Variants in IQGAP1 observed in about 807,000 individuals in gnomAD.
The protein encoded by IQGAP1 is IQ motif containing GTPase activating protein 1.
IQGAP1 carries 66 observed loss-of-function variants against 215.6 expected under a neutral mutation model. That is an observed-to-expected ratio of 0.31 (90% confidence interval 0.25 to 0.38). The LOEUF is 0.38. Ranked by LOEUF, IQGAP1 falls within the 10% of genes least tolerant of loss-of-function variation. The pLI is 1.00. For synonymous variants in IQGAP1, 772 were observed against 728.7 expected (o/e 1.06, Z -0.96); for missense variants, 1,712 against 1,997.1 (o/e 0.86, Z 2.72).
intron 15 of IQGAP1, among the ~76,000 whole-genome samples, chr15:90,458,402 C>G (rs1341317429): frequency 6.6e-6 from 1 of 152,150 alleles, no homozygotes. Flanking sequence ...TAAGTTGTAT[C>G]TTCAATCTAC....
At chr15:90,496,306 C>CTTTTTTTTTTT (rs552222380) in intron 36 of IQGAP1, among the ~76,000 whole-genome samples, 42 of 106,116 alleles carry the variant, frequency 4.0e-4, no homozygotes, top group African/African-American at 1.8e-3. Context: ...AGCATAATCC[C>CTTTTTTTTTTT]TTTTTTTTTT....
rs756736058 is a variant in IQGAP1 at position 90,429,675 on chromosome 15, C to T, written c.390+9C>T. 6 of 1,571,804 alleles carry T rather than the reference C, an allele frequency of 3.8e-6. No homozygotes were observed. Among genetic ancestry groups the T allele is most frequent in the African/African-American group, 1.4e-5 (1 of 73,458 alleles). On this transcript the variant is annotated intron_variant, in intron 4 of 37. Coordinates refer to ENST00000268182, the MANE Select transcript of IQGAP1 (RefSeq NM_003870.4). ...AGATTGGATTGCCTAAGGTAACTTA[C>T]CTGAGATAATAGTTTAGGCTTTGTT...
Position 90,500,268 on chromosome 15 carries a change from G to A in IQGAP1, c.*160G>A. ...CATTTTTAACTCCTCTCGCTCTGAT[G>A]GGACATTTGTTACCCTTTTTTCATA... is the stretch of plus-strand genomic sequence containing the variant. On this transcript the variant is annotated 3_prime_UTR_variant, in exon 38 of 38. Coordinates refer to ENST00000268182, the MANE Select transcript of IQGAP1 (RefSeq NM_003870.4). 1 of 562,880 alleles carries A rather than the reference G, an allele frequency of 1.8e-6. No individual in the cohort carries two copies. The highest frequency in any genetic ancestry group is 3.2e-6 in the Non-Finnish European group (1 of 312,072). The allele number at this position is 562,880 out of a possible 1,614,324, so 34.9% of individuals were successfully genotyped here. A position where few individuals can be genotyped will look rare whatever the true frequency, so the allele number is the denominator to read the frequency against.
Position 90,433,730 on chromosome 15 carries a change from A to G in IQGAP1, c.402A>G (p.Pro134=), listed in dbSNP as rs1372443186. 1 of 1,598,340 alleles carries G rather than the reference A, an allele frequency of 6.3e-7. No homozygotes were observed. The change falls in exon 5 of 38, where the codon CCA becomes CCG. Residue 134 remains proline, a synonymous_variant. Coordinates refer to ENST00000268182, the MANE Select transcript of IQGAP1 (RefSeq NM_003870.4). ...DEIGLPKIFY[P]ETTDIYDRKN... is the part of the protein sequence containing the mutation. ...TTATTTCTCCCTAGATTTTTTACCC[A>G]GAAACTACAGATATCTATGATCGAA...
At chr15:90,483,329 T>C (rs1260019738) in intron 28 of IQGAP1, 32 bp from the exon 29 acceptor site, 2 of 1,510,328 alleles carry the variant, frequency 1.3e-6, no homozygotes, top group Non-Finnish European at 1.8e-6. Flanking sequence ...GTATGTCTTT[T>C]AATACCCATC....
chr15:90,477,328 T>A (rs766716418), intron 25 of IQGAP1, 98 bp downstream of exon 25: 4 of 1,017,570 alleles, frequency 3.9e-6, no homozygotes, highest in Non-Finnish European at 5.7e-6. Context: ...TGATCTCAAT[T>A]AATTTATGAA....
At chr15:90,395,883 A>G (rs553219782) in intron 2 of IQGAP1, among the ~76,000 whole-genome samples, 48 of 152,352 alleles carry the variant, frequency 3.2e-4, no homozygotes, top group African/African-American at 9.4e-4. Context: ...AAGAAAGTTA[A>G]TTCCAGCATT....
In IQGAP1 at chr15:90,482,184, G is replaced by A. The variant is rs1388822370; in HGVS notation, c.3471-13G>A. ...TCCTTGGCCCTTCTCACTAAGTTTT[G>A]TCCATCCCGCAGTTATGGGATGCGC... On this transcript the variant is annotated splice_polypyrimidine_tract_variant and intron_variant, in intron 27 of 37. Coordinates refer to ENST00000268182, the MANE Select transcript of IQGAP1 (RefSeq NM_003870.4). 1.9e-6 allele frequency: 3 copies of A among 1,614,162 alleles called. No homozygotes were observed. The highest frequency in any genetic ancestry group is 1.7e-6 in the Non-Finnish European group (2 of 1,180,026).
rs142753659 is a variant in IQGAP1, at chr15:90,470,165, T to C, written c.2178+2573T>C. 7.4e-3 allele frequency among the ~76,000 whole-genome samples: 1,123 copies of C among 152,306 alleles called. 12 individuals are homozygous for C. Among genetic ancestry groups the C allele is most frequent in the African/African-American group, 0.026 (1,073 of 41,564 alleles). Reference sequence around the variant, plus strand: ...GACCTCTTACCTCTCCTGCCAACAATAGTGGCGATCACATATAGATCCTCC... The same window carrying C: ...GACCTCTTACCTCTCCTGCCAACAACAGTGGCGATCACATATAGATCCTCC... On this transcript the variant is annotated intron_variant, in intron 18 of 37. Coordinates refer to ENST00000268182, the MANE Select transcript of IQGAP1 (RefSeq NM_003870.4).
At chr15:90,421,347 A>C (rs1475282430) in intron 2 of IQGAP1, among the ~76,000 whole-genome samples, 1 of 151,940 alleles carries the variant, frequency 6.6e-6, no homozygotes, top group African/African-American at 2.4e-5. Context: ...GTGGTGGCAC[A>C]AGCCTGTAAT....
intron 2 of IQGAP1, among the ~76,000 whole-genome samples, chr15:90,408,509 G>C (rs905741935): frequency 2.0e-5 from 3 of 152,136 alleles, no homozygotes; most frequent in African/African-American, 4.8e-5. Context: ...AGTGCCATAA[G>C]AAAGTTTAGA....
chr15:90,441,623 C>G lies in IQGAP1; in HGVS notation c.767C>G (p.Ser256Cys). The change falls in exon 8 of 38, where the codon TCC becomes TGC. Residue 256 changes from serine (S) to cysteine (C), a missense_variant. Coordinates refer to ENST00000268182, the MANE Select transcript of IQGAP1 (RefSeq NM_003870.4). ...GTAAATCTTGAAGAGCCCTTGGCATCCACTTACCAGGATATACTTTACCAG... is the reference window on the plus strand; with the variant it reads ...GTAAATCTTGAAGAGCCCTTGGCATGCACTTACCAGGATATACTTTACCAG... ...MLVNLEEPLA[S>C]TYQDILYQAK... 1 of 1,613,700 alleles carries G rather than the reference C, an allele frequency of 6.2e-7. No individual in the cohort carries two copies. Among genetic ancestry groups the G allele is most frequent in the Non-Finnish European group, 8.5e-7 (1 of 1,179,698 alleles).
Position 90,454,556 on chromosome 15 carries a change from A to C in IQGAP1, c.1612+4A>C. 6.4e-7 allele frequency: 1 copy of C among 1,555,116 alleles called. No individual in the cohort carries two copies. Among genetic ancestry groups the C allele is most frequent in the South Asian group, 1.2e-5 (1 of 81,858 alleles). ...GTGGTGCAAGAGGAACATGAGAGTG[A>C]GTTATCTTCCTGTCCTCCCCAAATA... On this transcript the variant is annotated splice_donor_region_variant and intron_variant, in intron 14 of 37. Coordinates refer to ENST00000268182, the MANE Select transcript of IQGAP1 (RefSeq NM_003870.4).
intron 9 of IQGAP1, among the ~76,000 whole-genome samples, chr15:90,444,141 C>G (rs1309868670): frequency 6.6e-6 from 1 of 151,114 alleles, no homozygotes; most frequent in Non-Finnish European, 1.5e-5. Context: ...TGCAAGCTGT[C>G]TAGAAATAAA....
chr15:90,453,027 T>C (rs899524731), intron 12 of IQGAP1, 89 bp downstream of exon 12: 4 of 1,557,764 alleles, frequency 2.6e-6, no homozygotes, highest in South Asian at 1.2e-5. Context: ...GGTAGAACTT[T>C]TTTGCATAAA....
chr15:90,489,830 C>T (rs1966178431), intron 33 of IQGAP1, among the ~76,000 whole-genome samples: 1 of 152,204 alleles, frequency 6.6e-6, no homozygotes, highest in African/African-American at 2.4e-5. Flanking sequence ...TTATTGAGAA[C>T]CTAGTATGTG....
At chr15:90,486,883 A>G (rs1966134226) in intron 31 of IQGAP1, 71 bp from the exon 32 acceptor site, 4 of 1,447,886 alleles carry the variant, frequency 2.8e-6, no homozygotes, top group Admixed American at 3.8e-5. Flanking sequence ...ATCATCTTAT[A>G]TTTGTATTAT....
chr15:90,491,392 C>G lies in IQGAP1; in HGVS notation c.4308C>G (p.Asp1436Glu). ...RRAIRDAKTP[D>E]KMKKSKSVKE... ...CTATCCGTGATGCCAAAACACCTGACAAGATGAAAAAGTCAAAATCTGTAA... is the reference window on the plus strand; with the variant it reads ...CTATCCGTGATGCCAAAACACCTGAGAAGATGAAAAAGTCAAAATCTGTAA... Residue 1436 changes from aspartate to glutamate, a missense_variant, in exon 34 of 38, where the codon GAC (aspartate) becomes GAG (glutamate). By Grantham distance (45) the Asp-to-Glu change is conservative. Coordinates refer to ENST00000268182, the MANE Select transcript of IQGAP1 (RefSeq NM_003870.4). 6.2e-7 allele frequency: 1 copy of G among 1,614,040 alleles called. No homozygotes were observed. Among genetic ancestry groups the G allele is most frequent in the Non-Finnish European group, 8.5e-7 (1 of 1,180,016 alleles).
intron 5 of IQGAP1, among the ~76,000 whole-genome samples, chr15:90,436,839 A>C (rs562381625): frequency 6.6e-6 from 1 of 152,348 alleles, no homozygotes; most frequent in East Asian, 1.9e-4. Context: ...GTAATAATTA[A>C]AGAGAGTTAA....
Sources: gnomAD v4.1 joint callset for allele counts (sites outside exome capture counted in the v4.1 genomes callset) on GRCh38, gnomAD v4.1.1 for gene constraint, MANE v1.5 for transcripts, NCBI Gene and HGNC (gene_info 2026-07-23, HGNC 2026-07-21) for gene names.